The following KATNIP variants were observed in gnomAD, a reference collection of about 807,000 sequenced individuals.
KATNIP encodes the protein katanin-interacting protein.
In KATNIP, 126 loss-of-function variants were observed where a neutral mutation model predicts 174.0. That is an observed-to-expected ratio of 0.72 (90% CI 0.63 to 0.84). The LOEUF is 0.84. Ranked by LOEUF, KATNIP falls within the 40% of genes least tolerant of loss-of-function variation. The pLI is 0.00. For synonymous variants in KATNIP, 810 were observed against 835.7 expected (o/e 0.97, Z 0.53); for missense variants, 1,958 against 2,109.7 (o/e 0.93, Z 1.41).
chr16:27,618,716 GT>G (rs2142065170), intron 3 of KATNIP, among the ~76,000 whole-genome samples: 1 of 152,268 alleles, frequency 6.6e-6, no homozygotes, highest in Non-Finnish European at 1.5e-5. Flanking sequence ...ACTGCTCGAT[GT>G]GTAAGTACCG....
chr16:27,560,259 G>T (rs1463514032), intron 1 of KATNIP, among the ~76,000 whole-genome samples: 2 of 146,696 alleles, frequency 1.4e-5, no homozygotes, highest in Admixed American at 6.9e-5. Flanking sequence ...TCCAGCCTGG[G>T]CTATAGAGTG....
rs2076588355 is a variant in KATNIP at position 27,634,841 on chromosome 16, C to T, written c.408+3679C>T. ...TGCTGGCAAGTCTATACACATAGAC[C>T]CTGGGTTTCAGCAGAGAGAGAGATT... On this transcript the variant is annotated intron_variant, in intron 5 of 27. Coordinates refer to ENST00000261588, the MANE Select transcript of KATNIP (RefSeq NM_015202.5). Among the ~76,000 whole-genome samples, 5 of 152,020 alleles carry T rather than the reference C, an allele frequency of 3.3e-5. No individual in the cohort carries two copies. In the South Asian group the frequency reaches 1.0e-3, roughly 32 times the overall value.
intron 6 of KATNIP, among the ~76,000 whole-genome samples, chr16:27,675,673 G>A (rs2078087443): frequency 6.6e-6 from 1 of 152,050 alleles, no homozygotes; most frequent in Non-Finnish European, 1.5e-5. Flanking sequence ...GTAGAATTTT[G>A]GGGAGTCTGA....
chr16:27,774,990 G>T lies in KATNIP; in HGVS notation c.4355G>T (p.Gly1452Val). Residue 1452 changes from glycine (G) to valine (V), a missense_variant, in exon 24 of 28, where the codon GGC (glycine) becomes GTC (valine). Gly to Val is a moderately radical substitution (Grantham distance 109). Coordinates refer to ENST00000261588, the MANE Select transcript of KATNIP (RefSeq NM_015202.5). Reference protein sequence around the residue: ...PDSVNSLEGVGGDVRTPDKLI... With the variant: ...PDSVNSLEGVVGDVRTPDKLI... ...AGCGTGAACTCCCTGGAGGGTGTGG[G>T]CGGGGACGTCCGCACCCCAGACAAG... is the stretch of plus-strand genomic sequence containing the variant. 1 of 1,613,850 alleles carries T rather than the reference G, an allele frequency of 6.2e-7. No homozygotes were observed. Among genetic ancestry groups the T allele is most frequent in the Middle Eastern group, 1.7e-4 (1 of 6,056 alleles).
At chr16:27,734,413 A>AAG (rs1423691836) in intron 14 of KATNIP, among the ~76,000 whole-genome samples, 1 of 150,884 alleles carries the variant, frequency 6.6e-6, no homozygotes, top group Non-Finnish European at 1.5e-5. Flanking sequence ...AAAAAAAAAA[A>AAG]AAAGGCCAGG....
chr16:27,744,361 A>G (rs542585274), intron 15 of KATNIP, among the ~76,000 whole-genome samples: 3 of 152,190 alleles, frequency 2.0e-5, no homozygotes, highest in African/African-American at 7.2e-5. Flanking sequence ...CTCCATCTCT[A>G]CAAAAGTTTT....
intron 11 of KATNIP, among the ~76,000 whole-genome samples, chr16:27,702,699 C>G (rs1325855963): frequency 6.6e-6 from 1 of 152,184 alleles, no homozygotes; most frequent in African/African-American, 2.4e-5. Context: ...ACTAGCCAAG[C>G]TGTGTGCCCT....
chr16:27,571,898 A>G (rs747114931), intron 1 of KATNIP, among the ~76,000 whole-genome samples: 2 of 152,230 alleles, frequency 1.3e-5, no homozygotes, highest in South Asian at 2.1e-4. Flanking sequence ...GGAGCTGCTC[A>G]TTCTAGCTCC....
chr16:27,740,515 A>G lies in KATNIP; in HGVS notation c.2218A>G (p.Met740Val), dbSNP rs146766151. The part of the protein sequence containing the change: ...PSLIQQLENL[M>V]GRKICEPPGK... ...TCTCATCCAACAACTGGAAAACCTC[A>G]TGGGCAGAAAAATCTGTGAGCCACC... The change falls in exon 15 of 28, where the codon ATG becomes GTG. Residue 740 changes from methionine to valine, a missense_variant. Coordinates refer to ENST00000261588, the MANE Select transcript of KATNIP (RefSeq NM_015202.5). 58 of 1,613,804 alleles carry G rather than the reference A, an allele frequency of 3.6e-5. No individual in the cohort carries two copies. The Middle Eastern group carries it at 9.9e-4, about 27-fold the overall frequency.
intron 5 of KATNIP, among the ~76,000 whole-genome samples, chr16:27,642,726 T>A (rs233461): frequency 0.86 from 129,963 of 151,696 alleles, 55,738 homozygotes; most frequent in East Asian, 1. Context: ...TCCAAAGGCC[T>A]CTATAGCCCA....
chr16:27,634,472 T>A (rs1037844014), intron 5 of KATNIP, among the ~76,000 whole-genome samples: 1 of 152,166 alleles, frequency 6.6e-6, no homozygotes, highest in African/African-American at 2.4e-5. Context: ...AGCGGCTGCC[T>A]AGGACACCAT....
chr16:27,712,728 C>G (rs548241696), intron 13 of KATNIP, among the ~76,000 whole-genome samples: 1 of 152,278 alleles, frequency 6.6e-6, no homozygotes, highest in African/African-American at 2.4e-5. Context: ...CCTGCCTGCC[C>G]CTCTGAGTTA....
At chr16:27,657,494 G>A (rs1488113017) in intron 6 of KATNIP, among the ~76,000 whole-genome samples, 5 of 152,102 alleles carry the variant, frequency 3.3e-5, no homozygotes, top group Admixed American at 6.6e-5. Flanking sequence ...TTGGGAGGAC[G>A]AGGCGGGTGG....
Position 27,648,810 on chromosome 16 carries a change from G to T in KATNIP, c.540+75G>T, listed in dbSNP as rs1445335978. On this transcript the variant is annotated intron_variant, in intron 6 of 27. Coordinates refer to ENST00000261588, the MANE Select transcript of KATNIP (RefSeq NM_015202.5). ...CTCGGTGCTGCAGTGGCCCCTCGGG[G>T]CACTTTCTGACAGTTATTTATTCTG... is the stretch of plus-strand genomic sequence containing the variant. 1.5e-5 allele frequency: 23 copies of T among 1,498,442 alleles called. 1 individual carries two copies. In the South Asian group the frequency reaches 2.5e-4, roughly 16 times the overall value. 92.8% of individuals were successfully genotyped at this position (1,498,442 alleles called of 1,614,324 possible).
chr16:27,777,777 C>T lies in KATNIP; in HGVS notation c.4712+7C>T. 6.2e-7 allele frequency: 1 copy of T among 1,612,694 alleles called. No homozygotes were observed. On this transcript the variant is annotated splice_region_variant and intron_variant, in intron 26 of 27. Transcript: ENST00000261588. The surrounding 1 kb of genome is among the most constrained non-coding windows in gnomAD (Gnocchi z 4.4). The stretch of plus-strand genomic sequence containing the variant: ...AGAAACACACCACCATCAGGTAGGG[C>T]CCCAGCCGGCCCCATGGCCTCCCCA...
In KATNIP at chr16:27,699,530, C is replaced by G. The variant is rs766933722; in HGVS notation, c.1114-4C>G. 6.2e-7 allele frequency: 1 copy of G among 1,613,910 alleles called. No homozygotes were observed. The highest frequency in any genetic ancestry group is 1.3e-5 in the African/African-American group (1 of 74,936). ...CATCACATCATGTGATCACATCCTT[C>G]CAGGATGCAGAAGGACCACCAGCAA... On this transcript the variant is annotated splice_region_variant and splice_polypyrimidine_tract_variant and intron_variant, in intron 9 of 27. Transcript: ENST00000261588.
At chr16:27,713,165 C>T (rs1431227462) in intron 13 of KATNIP, among the ~76,000 whole-genome samples, 1 of 152,156 alleles carries the variant, frequency 6.6e-6, no homozygotes, top group Non-Finnish European at 1.5e-5. Context: ...CTCTTCCCCA[C>T]ATCACTTCTT....
chr16:27,557,478 C>T (rs1467012390), intron 1 of KATNIP, among the ~76,000 whole-genome samples: 1 of 145,386 alleles, frequency 6.9e-6, no homozygotes, highest in East Asian at 2.0e-4. Context: ...GTTGCCCAGG[C>T]TGGAGTGCAA....
rs1327047202 is a variant in KATNIP at position 27,761,485 on chromosome 16, G to A, written c.3704G>A (p.Gly1235Asp). Residue 1235 changes from glycine to aspartate, a missense_variant, in exon 19 of 28, where the codon GGC becomes GAC. Gly to Asp is a moderately conservative substitution (Grantham distance 94). This residue lies in a region of KATNIP where 1,557 missense variants were observed against 1,617.8 expected (regional missense o/e 0.96). Coordinates refer to ENST00000261588, the MANE Select transcript of KATNIP (RefSeq NM_015202.5). ...GGGCTCACTGGCCTGGAAGTGGTGG[G>A]CAAGGAGGGCCAGGCGCTGCCCATC... ...YLGLTGLEVV[G>D]KEGQALPIHL... 1 of 1,614,120 alleles carries A rather than the reference G, an allele frequency of 6.2e-7. No homozygotes were observed. The highest frequency in any genetic ancestry group is 1.7e-5 in the Admixed American group (1 of 60,012).
Sources: gnomAD v4.1 joint callset for allele counts (sites outside exome capture counted in the v4.1 genomes callset) on GRCh38, gnomAD v4.1.1 for gene constraint, gnomAD v4.1.1 regional missense constraint, Gnocchi (gnomAD v3.1) non-coding constraint, MANE v1.5 for transcripts, NCBI Gene and HGNC (gene_info 2026-07-23, HGNC 2026-07-21) for gene names.